CDH18: variants seen among roughly 807,000 people sequenced by gnomAD.
CDH18 encodes cadherin 18, also known as cadherin-18.
A neutral mutation model predicts 67.9 loss-of-function variants in CDH18; 31 were observed. The observed-to-expected ratio is 0.46, with a 90% CI of 0.34 to 0.62. CDH18 has a LOEUF of 0.62. Among genes scored for constraint, CDH18 ranks in the 20% least tolerant of loss-of-function variants. The pLI is 0.01. For synonymous variants in CDH18, 362 were observed against 347.2 expected (o/e 1.04, Z -0.48); for missense variants, 890 against 975.5 (o/e 0.91, Z 1.17).
intron 1 of CDH18, among the ~76,000 whole-genome samples, chr5:20,546,609 T>C (rs2126606964): frequency 6.6e-6 from 1 of 152,182 alleles, no homozygotes; most frequent in South Asian, 2.1e-4. Flanking sequence ...ACTCACTCAC[T>C]ATCACAATAA....
intron 2 of CDH18, among the ~76,000 whole-genome samples, chr5:20,039,776 C>T (rs1056405407): frequency 3.3e-5 from 5 of 152,154 alleles, no homozygotes; most frequent in African/African-American, 1.2e-4. Context: ...CCATTCAGGA[C>T]ATAGGCATGG....
At chr5:20,100,837 G>T (rs11748152) in intron 2 of CDH18, among the ~76,000 whole-genome samples, 1 of 151,970 alleles carries the variant, frequency 6.6e-6, no homozygotes, top group Non-Finnish European at 1.5e-5. Flanking sequence ...GCATCTATCT[G>T]TTGTTTAGTT....
intron 1 of CDH18, among the ~76,000 whole-genome samples, chr5:20,422,835 C>T (rs9292937): frequency 0.79 from 119,065 of 150,690 alleles, 47,742 homozygotes; most frequent in Admixed American, 0.87. Flanking sequence ...CCACGGAGCA[C>T]TTATAAAGCT....
intron 1 of CDH18, among the ~76,000 whole-genome samples, chr5:20,471,633 C>T (rs967582939): frequency 3.3e-5 from 5 of 151,512 alleles, no homozygotes; most frequent in African/African-American, 4.9e-5. Flanking sequence ...AACGCAGTCT[C>T]TACTAAAAAT....
chr5:19,921,808 T>C (rs1792512835), intron 2 of CDH18, among the ~76,000 whole-genome samples: 1 of 152,138 alleles, frequency 6.6e-6, no homozygotes, highest in Non-Finnish European at 1.5e-5. Context: ...ATTATGTTGA[T>C]AATCAAGTAT....
At chr5:20,305,608 T>G in intron 1 of CDH18, 41 of 443,666 alleles carry the variant, frequency 9.2e-5, no homozygotes, top group East Asian at 3.0e-4. Context: ...GAGGACTTGG[T>G]GCTCGGCAAA....
intron 1 of CDH18, among the ~76,000 whole-genome samples, chr5:20,560,510 C>CACAA (rs1242868022): frequency 4.0e-5 from 6 of 150,506 alleles, no homozygotes; most frequent in Admixed American, 6.6e-5. Context: ...CACACACACA[C>CACAA]ACCCCTACAT....
intron 1 of CDH18, among the ~76,000 whole-genome samples, chr5:20,480,260 G>A (rs1274018823): frequency 1.3e-5 from 2 of 152,112 alleles, no homozygotes; most frequent in African/African-American, 4.8e-5. Flanking sequence ...TGAAAATGTG[G>A]TATGTAAATT....
chr5:20,512,216 C>G (rs531229527), intron 1 of CDH18, among the ~76,000 whole-genome samples: 52 of 152,134 alleles, frequency 3.4e-4, no homozygotes, highest in Non-Finnish European at 7.1e-4. Flanking sequence ...GAGTGAGACT[C>G]TGTCTCAAAA....
chr5:19,481,415 C>G (rs994909798), intron 12 of CDH18, among the ~76,000 whole-genome samples: 1 of 152,106 alleles, frequency 6.6e-6, no homozygotes, highest in Non-Finnish European at 1.5e-5. Context: ...TTCACTTTTC[C>G]TCAGGTCTGT....
intron 7 of CDH18, among the ~76,000 whole-genome samples, chr5:19,587,295 C>T (rs566799417): frequency 3.2e-4 from 49 of 152,086 alleles, no homozygotes; most frequent in African/African-American, 1.2e-3. Context: ...ATCAACCTAA[C>T]AGAACTTCTT....
chr5:20,473,277 C>T (rs1390161762), intron 1 of CDH18, among the ~76,000 whole-genome samples: 2 of 152,102 alleles, frequency 1.3e-5, no homozygotes, highest in African/African-American at 2.4e-5. Context: ...TACTCGTGCT[C>T]AGTAACTCAA....
chr5:19,935,027 A>G (rs1045449991), intron 2 of CDH18, among the ~76,000 whole-genome samples: 5 of 151,298 alleles, frequency 3.3e-5, no homozygotes, highest in Non-Finnish European at 7.4e-5. Context: ...TCAGTCTTCA[A>G]ATACCACTTT....
chr5:20,488,569 G>T (rs1581096503), intron 1 of CDH18, among the ~76,000 whole-genome samples: 1 of 151,694 alleles, frequency 6.6e-6, no homozygotes, highest in Admixed American at 6.6e-5. Flanking sequence ...GTCTATGTTG[G>T]ATTTAAAACT....
chr5:19,574,346 G>A (rs1741954809), intron 7 of CDH18, among the ~76,000 whole-genome samples: 1 of 152,098 alleles, frequency 6.6e-6, no homozygotes, highest in African/African-American at 2.4e-5. Flanking sequence ...TTCTTTGCCA[G>A]AACTGACGGA....
chr5:19,619,095 C>G (rs892116787), intron 5 of CDH18, among the ~76,000 whole-genome samples: 25 of 152,102 alleles, frequency 1.6e-4, no homozygotes, highest in Non-Finnish European at 3.7e-4. Flanking sequence ...GATAATGCAT[C>G]TTCCATAAAT....
At chr5:20,136,140 A>C (rs1749696226) in intron 2 of CDH18, among the ~76,000 whole-genome samples, 1 of 152,086 alleles carries the variant, frequency 6.6e-6, no homozygotes, top group Non-Finnish European at 1.5e-5. Context: ...CAATTCCTGG[A>C]TGTCCTTGTT....
intron 2 of CDH18, among the ~76,000 whole-genome samples, chr5:19,872,302 T>C (rs779329626): frequency 2.0e-5 from 3 of 152,212 alleles, no homozygotes; most frequent in African/African-American, 4.8e-5. Context: ...TACTTGTATA[T>C]TCTCCTTCCT....
chr5:19,776,835 G>A (rs757052228), intron 3 of CDH18, among the ~76,000 whole-genome samples: 2 of 152,050 alleles, frequency 1.3e-5, no homozygotes, highest in Non-Finnish European at 2.9e-5. Context: ...TTGAAAAGTA[G>A]AAATAATAAG....
Sources: allele counts gnomAD v4.1 joint callset (sites outside exome capture counted in the v4.1 genomes callset), GRCh38; gene constraint gnomAD v4.1.1; transcripts MANE v1.5; gene names NCBI Gene and HGNC (gene_info 2026-07-23, HGNC 2026-07-21).